The following ZC3H12B variants were observed in gnomAD, a reference collection of about 807,000 sequenced individuals.
The protein encoded by ZC3H12B is zinc finger CCCH-type containing 12B.
A neutral mutation model predicts 43.9 loss-of-function variants in ZC3H12B; 7 were observed. The ratio of observed to expected loss-of-function variants is 0.16; its 90% confidence interval spans 0.09 to 0.30. The LOEUF is 0.30. ZC3H12B is among the 10% of genes least tolerant of loss of function. ZC3H12B has a pLI of 1.00. For missense variants in ZC3H12B, 475 were observed against 670.2 expected (o/e 0.71, Z 3.22); for synonymous variants, 222 against 241.7 (o/e 0.92, Z 0.76).
At chrX:65,330,279 G>A in the ZC3H12B span, among the ~76,000 whole-genome samples, 1 of 111,653 alleles carries the variant, frequency 9.0e-6, no homozygotes, top group South Asian at 3.7e-4. Flanking sequence ...TGATGAAGTT[G>A]CTTATCAGCT....
intron 3 of ZC3H12B, among the ~76,000 whole-genome samples, chrX:65,456,632 C>T (rs1345089269): frequency 8.5e-5 from 9 of 105,543 alleles, no homozygotes; most frequent in Non-Finnish European, 1.4e-4. Context: ...TTGGTGGAGA[C>T]GGGGTTTTGC....
chrX:65,503,337 G>A (rs761043265), exon 5 of ZC3H12B: 20 of 580,763 alleles, frequency 3.4e-5, no homozygotes, highest in South Asian at 3.3e-4. Flanking sequence ...TCATTTAAGC[G>A]CTTAACAACC....
At chrX:65,223,118 A>C in the ZC3H12B span, among the ~76,000 whole-genome samples, 1 of 111,973 alleles carries the variant, frequency 8.9e-6, no homozygotes, top group Non-Finnish European at 1.9e-5. Context: ...CAAAGCAAAC[A>C]TAAACATAAA....
rs371952469 is a variant in ZC3H12B, at chrX:65,378,312, C to A, written n.295+9314C>A. Among the ~76,000 whole-genome samples, 85 of 111,075 alleles carry A rather than the reference C, an allele frequency of 7.7e-4. No individual in the cohort carries two copies. In the South Asian group the frequency reaches 0.03, roughly 39 times the overall value. On this transcript the variant is annotated intron_variant and non_coding_transcript_variant, in intron 2 of 5. Transcript: ENST00000617377. ...AATAGAAATTGAAAGATTAAAAAGA[C>A]GAGATTAATTTAAGGTGTAGAGTGT...
intron 3 of ZC3H12B, among the ~76,000 whole-genome samples, chrX:65,411,474 T>A (rs1262008950): frequency 1.8e-5 from 2 of 111,562 alleles, no homozygotes; most frequent in Non-Finnish European, 3.8e-5. Flanking sequence ...ATGCCTGTAA[T>A]CACAGCACTT....
At chrX:65,055,568 C>T in the ZC3H12B span, among the ~76,000 whole-genome samples, 1 of 111,637 alleles carries the variant, frequency 9.0e-6, no homozygotes, top group African/African-American at 3.3e-5. Context: ...TTTGTCTCTG[C>T]CAGGCTTTGG....
chrX:65,203,506 G>A, the ZC3H12B span, among the ~76,000 whole-genome samples: 1 of 110,445 alleles, frequency 9.1e-6, no homozygotes. Context: ...CTGGCCCAGA[G>A]TGGGTCTAGA....
the ZC3H12B span, among the ~76,000 whole-genome samples, chrX:65,052,295 A>G: frequency 1.8e-4 from 20 of 111,774 alleles, no homozygotes; most frequent in Non-Finnish European, 3.8e-5. Context: ...TATCCACTCA[A>G]GAATTTATTC....
At chrX:65,505,858 G>A (rs1466523524) in exon 5 of ZC3H12B, 1 of 112,939 alleles carries the variant, frequency 8.9e-6, no homozygotes, top group Non-Finnish European at 1.9e-5. Context: ...ATGTATTTCT[G>A]ATTTACTAAA....
the ZC3H12B span, among the ~76,000 whole-genome samples, chrX:65,122,304 G>T: frequency 9.0e-6 from 1 of 111,012 alleles, no homozygotes; most frequent in Admixed American, 9.6e-5. Context: ...AAATGAAGGA[G>T]AAATAAAATC....
At chrX:65,036,061 G>T in the ZC3H12B span, among the ~76,000 whole-genome samples, 1 of 111,818 alleles carries the variant, frequency 8.9e-6, no homozygotes, top group Non-Finnish European at 1.9e-5. Flanking sequence ...GAGGTAGCCT[G>T]CAGTTGAAGA....
chrX:65,385,841 GT>G (rs1186787489), intron 2 of ZC3H12B, among the ~76,000 whole-genome samples: 2 of 112,126 alleles, frequency 1.8e-5, no homozygotes, highest in Admixed American at 1.9e-4. Flanking sequence ...TTTATTGAGA[GT>G]TTTTAGCATG....
the ZC3H12B span, among the ~76,000 whole-genome samples, chrX:65,319,156 G>A: frequency 9.1e-6 from 1 of 110,377 alleles, no homozygotes; most frequent in Non-Finnish European, 1.9e-5. Flanking sequence ...TTCTTTGAAA[G>A]AATAAGTTAG....
chrX:65,240,398 A>C, the ZC3H12B span, among the ~76,000 whole-genome samples: 2 of 111,452 alleles, frequency 1.8e-5, no homozygotes, highest in Admixed American at 1.9e-4. Context: ...TCAATTTCTC[A>C]TATGTTTTAA....
chrX:65,197,214 G>A, the ZC3H12B span, among the ~76,000 whole-genome samples: 1 of 111,725 alleles, frequency 9.0e-6, no homozygotes, highest in Non-Finnish European at 1.9e-5. Context: ...CTGGCGGCTG[G>A]GGGAGGGAGC....
chrX:65,322,633 C>T, the ZC3H12B span, among the ~76,000 whole-genome samples: 14 of 111,727 alleles, frequency 1.3e-4, no homozygotes, highest in African/African-American at 3.9e-4. Flanking sequence ...CATGTTGTTT[C>T]GATTACTGTA....
the ZC3H12B span, among the ~76,000 whole-genome samples, chrX:65,073,829 A>G: frequency 9.0e-6 from 1 of 111,644 alleles, no homozygotes; most frequent in African/African-American, 3.3e-5. Context: ...GTTGGAGGCC[A>G]AGAACAAGTC....
At chrX:65,183,606 A>T in the ZC3H12B span, among the ~76,000 whole-genome samples, 159 of 111,907 alleles carry the variant, frequency 1.4e-3, no homozygotes, top group African/African-American at 4.2e-3. Flanking sequence ...TGTGGAATCA[A>T]CGTTACACTT....
At chrX:65,451,350 T>C (rs1490821385) in intron 3 of ZC3H12B, among the ~76,000 whole-genome samples, 1 of 111,752 alleles carries the variant, frequency 8.9e-6, no homozygotes, top group Non-Finnish European at 1.9e-5. Context: ...TCTCAAGTAG[T>C]GTATGGAACT....
Sources: gnomAD v4.1 joint callset for allele counts (sites outside exome capture counted in the v4.1 genomes callset) on GRCh38, gnomAD v4.1.1 for gene constraint, MANE v1.5 for transcripts, NCBI Gene and HGNC (gene_info 2026-07-23, HGNC 2026-07-21) for gene names.